CD2AP: variants seen among roughly 807,000 people sequenced by gnomAD.
The protein encoded by CD2AP is CD2-associated protein.
CD2AP carries 46 observed loss-of-function variants against 85.1 expected under a neutral mutation model. The observed-to-expected ratio is 0.54, with a 90% CI of 0.43 to 0.69. The LOEUF (loss-of-function observed/expected upper bound fraction) is 0.69. CD2AP is among the 30% of genes least tolerant of loss of function. CD2AP has a pLI of 0.00. For missense variants in CD2AP, 769 were observed against 729.5 expected, an observed-to-expected ratio of 1.05 and a Z score of -0.62; for synonymous variants, 255 against 252.9, an observed-to-expected ratio of 1.01 and a Z score of -0.08.
chr6:47,579,947 C>A, intron 9 of CD2AP: 1 of 166,278 alleles, frequency 6.0e-6, no homozygotes. Context: ...AAAAGTGAGG[C>A]TGAGTCATTC....
intron 13 of CD2AP, among the ~76,000 whole-genome samples, chr6:47,599,650 T>C (rs1419372071): frequency 1.3e-5 from 2 of 152,074 alleles, no homozygotes; most frequent in Non-Finnish European, 2.9e-5. Context: ...GATCAGACTT[T>C]ATGGTTTCTT....
chr6:47,590,519 CA>C (rs1422852955), intron 11 of CD2AP, among the ~76,000 whole-genome samples: 1 of 152,106 alleles, frequency 6.6e-6, no homozygotes, highest in Non-Finnish European at 1.5e-5. Context: ...CACGTATACA[CA>C]GATTTTTTTC....
intron 1 of CD2AP, among the ~76,000 whole-genome samples, chr6:47,488,467 G>T (rs1167645769): frequency 6.6e-6 from 1 of 151,990 alleles, no homozygotes; most frequent in Non-Finnish European, 1.5e-5. Flanking sequence ...ATGTATGTTG[G>T]TTTAAAGAAA....
chr6:47,564,406 G>A (rs1033762080), intron 5 of CD2AP, among the ~76,000 whole-genome samples: 1 of 152,200 alleles, frequency 6.6e-6, no homozygotes, highest in East Asian at 1.9e-4. Flanking sequence ...CAGCACAAGA[G>A]ATCTAATTTA....
intron 11 of CD2AP, among the ~76,000 whole-genome samples, chr6:47,586,192 T>G (rs1768626117): frequency 6.6e-6 from 1 of 152,080 alleles, no homozygotes; most frequent in Non-Finnish European, 1.5e-5. Flanking sequence ...GAAGAAAATG[T>G]GAACATTACA....
Position 47,624,176 on chromosome 6 carries a change from T to C in CD2AP, c.1879-10T>C. 6.2e-7 allele frequency: 1 copy of C among 1,603,478 alleles called. No homozygotes were observed. The highest frequency in any genetic ancestry group is 8.5e-7 in the Non-Finnish European group (1 of 1,170,522). ...TTTTATGTTTGCTCAATTTATGTTT[T>C]TTGTTTTAGATGGAAATAGAGAAGC... On this transcript the variant is annotated splice_polypyrimidine_tract_variant and intron_variant, in intron 17 of 17. Transcript: ENST00000359314.
At position 47,539,826 on chromosome 6, in the gene CD2AP, A is replaced by G. The variant is rs574781689; in HGVS notation, c.320-4780A>G. 2.0e-5 allele frequency among the ~76,000 whole-genome samples: 3 copies of G among 152,212 alleles called. No homozygotes were observed. In the South Asian group the frequency reaches 6.2e-4, roughly 32 times the overall value. On this transcript the variant is annotated intron_variant, in intron 3 of 17. Transcript: ENST00000359314. ...CTTATATAATGATTTTTAGAAGACA[A>G]TTTTTGTACAATTAATTTTTTTGTA... is the stretch of plus-strand genomic sequence containing the variant.
At chr6:47,585,089 T>G (rs555114075) in intron 11 of CD2AP, among the ~76,000 whole-genome samples, 1 of 151,366 alleles carries the variant, frequency 6.6e-6, no homozygotes, top group African/African-American at 2.4e-5. Context: ...GTCAGGACAT[T>G]GAGACCATCC....
At chr6:47,584,469 G>GT in intron 11 of CD2AP, among the ~76,000 whole-genome samples, 2 of 140,438 alleles carry the variant, frequency 1.4e-5, no homozygotes, top group East Asian at 4.2e-4. Context: ...AACACCGTTT[G>GT]TTGAAAAGAC....
chr6:47,615,468 C>A (rs1297563765), intron 17 of CD2AP, among the ~76,000 whole-genome samples: 3 of 152,056 alleles, frequency 2.0e-5, no homozygotes, highest in African/African-American at 7.2e-5. Context: ...GGGGAGGCCT[C>A]AGGGAGCTTT....
intron 1 of CD2AP, among the ~76,000 whole-genome samples, chr6:47,492,546 A>G (rs1473774675): frequency 1.3e-5 from 2 of 151,790 alleles, no homozygotes; most frequent in African/African-American, 4.8e-5. Context: ...GCATCTTGCT[A>G]TGTTGCCCAG....
At chr6:47,573,000 T>A (rs932182866) in intron 5 of CD2AP, among the ~76,000 whole-genome samples, 3 of 152,198 alleles carry the variant, frequency 2.0e-5, no homozygotes, top group African/African-American at 7.2e-5. Flanking sequence ...TAAATGTTTC[T>A]GGATTTTTAC....
In CD2AP at chr6:47,612,512, G is replaced by A; in HGVS notation, c.1854G>A (p.Glu618=). The A allele has an allele frequency of 6.2e-7, 1 of 1,608,046 alleles. No individual in the cohort carries two copies. Among genetic ancestry groups the A allele is most frequent in the South Asian group, 1.1e-5 (1 of 90,906 alleles). The change falls in exon 17 of 18, where the codon GAG becomes GAA. Residue 618 remains glutamate (E), a synonymous_variant. Transcript: ENST00000359314. ...AACTGCGAAAAGATTTGGAAGAAGA[G>A]AAGACAATGAGAAGTAATCTAGAGG... ...LEKLRKDLEE[E]KTMRSNLEME... is the part of the protein sequence containing the mutation.
chr6:47,613,086 T>C (rs1769492254), intron 17 of CD2AP, among the ~76,000 whole-genome samples: 1 of 152,228 alleles, frequency 6.6e-6, no homozygotes, highest in African/African-American at 2.4e-5. Context: ...GATCCACTTT[T>C]AATTCTCATT....
intron 13 of CD2AP, among the ~76,000 whole-genome samples, chr6:47,604,352 GTTAC>G (rs1157154103): frequency 6.6e-6 from 1 of 152,010 alleles, no homozygotes; most frequent in African/African-American, 2.4e-5. Context: ...GAATAGTAAA[GTTAC>G]TTGTCTTGGT....
intron 12 of CD2AP, among the ~76,000 whole-genome samples, chr6:47,598,584 G>GA (rs954635340): frequency 6.6e-6 from 1 of 150,886 alleles, no homozygotes; most frequent in East Asian, 1.9e-4. Flanking sequence ...AAAAAAGATG[G>GA]AAAAAATGGC....
At chr6:47,578,406 T>C (rs1482841312) in intron 8 of CD2AP, among the ~76,000 whole-genome samples, 4 of 152,108 alleles carry the variant, frequency 2.6e-5, no homozygotes, top group African/African-American at 9.7e-5. Context: ...AGACAGGGTC[T>C]TGCTATGTTG....
chr6:47,526,702 C>T (rs920593107), intron 2 of CD2AP, among the ~76,000 whole-genome samples: 1 of 152,098 alleles, frequency 6.6e-6, no homozygotes, highest in African/African-American at 2.4e-5. Flanking sequence ...CACATTTGGT[C>T]AGATTGGAGT....
chr6:47,610,581 G>A (rs1001187888), intron 16 of CD2AP, among the ~76,000 whole-genome samples: 2 of 151,998 alleles, frequency 1.3e-5, no homozygotes, highest in East Asian at 1.9e-4. Flanking sequence ...GGTATTTGGA[G>A]TTTGCAGAAC....
Sources: allele counts gnomAD v4.1 joint callset (sites outside exome capture counted in the v4.1 genomes callset), GRCh38; gene constraint gnomAD v4.1.1; transcripts MANE v1.5; gene names NCBI Gene and HGNC (gene_info 2026-07-23, HGNC 2026-07-21).